The following PPP4R2 variants were observed in gnomAD, a reference collection of about 807,000 sequenced individuals.
PPP4R2 encodes the protein serine/threonine-protein phosphatase 4 regulatory subunit 2.
A neutral mutation model predicts 47.2 loss-of-function variants in PPP4R2; 13 were observed. The observed-to-expected ratio is 0.28, with a 90% CI of 0.18 to 0.44. PPP4R2 has a LOEUF of 0.44. Ranked by LOEUF, PPP4R2 falls within the 20% of genes least tolerant of loss-of-function variation. The pLI, the probability that PPP4R2 is intolerant of heterozygous loss-of-function variation, is 1.00. For missense variants in PPP4R2, 421 were observed against 491.2 expected (o/e 0.86, Z 1.35); for synonymous variants, 151 against 163.3 (o/e 0.92, Z 0.57).
chr3:73,046,002 G>GTAT (rs1702478692), intron 2 of PPP4R2, among the ~76,000 whole-genome samples: 1 of 152,130 alleles, frequency 6.6e-6, no homozygotes, highest in South Asian at 2.1e-4. Flanking sequence ...TGTAAAAGAT[G>GTAT]TATTCAAGGG....
chr3:73,003,980 G>C (rs1287889518), intron 2 of PPP4R2, among the ~76,000 whole-genome samples: 1 of 150,482 alleles, frequency 6.6e-6, no homozygotes, highest in African/African-American at 2.5e-5. Flanking sequence ...GATTACAGGC[G>C]TGAGCCACTG....
intron 3 of PPP4R2, among the ~76,000 whole-genome samples, chr3:73,048,569 T>C (rs1384881983): frequency 1.3e-5 from 2 of 152,240 alleles, no homozygotes; most frequent in Non-Finnish European, 2.9e-5. Context: ...TTTGTATTTT[T>C]ACGGTTTCCT....
intron 2 of PPP4R2, among the ~76,000 whole-genome samples, chr3:73,032,894 T>G (rs1490371735): frequency 6.6e-6 from 1 of 152,206 alleles, no homozygotes. Context: ...TTTAGTTGTT[T>G]ATATATCAAT....
intron 2 of PPP4R2, among the ~76,000 whole-genome samples, chr3:73,018,452 T>TGTTTG: frequency 3.2e-4 from 31 of 96,528 alleles, no homozygotes; most frequent in African/African-American, 5.4e-4. Context: ...TGTTATGTTA[T>TGTTTG]TTATGTTATG....
Position 73,068,627 on chromosome 3 carries a change from C to A in PPP4R2, c.*2905C>A, listed in dbSNP as rs1014868068. The A allele has an allele frequency of 2.6e-5, 4 of 152,180 alleles. No individual in the cohort carries two copies. The highest frequency in any genetic ancestry group is 7.2e-5 in the African/African-American group (3 of 41,440). 9.4% of individuals were successfully genotyped at this position (152,180 alleles called of 1,614,324 possible). A position where few individuals can be genotyped will look rare whatever the true frequency, so the allele number is the denominator to read the frequency against. Reference sequence around the variant, plus strand: ...TGGCTTGGAAAGGCATCCCAGAAATCCTCGGCCAGAAGGTGTGGCTTGTTA... The same window carrying A: ...TGGCTTGGAAAGGCATCCCAGAAATACTCGGCCAGAAGGTGTGGCTTGTTA... On this transcript the variant is annotated 3_prime_UTR_variant, in exon 9 of 9. Transcript: ENST00000356692.
At chr3:73,034,977 A>G (rs1237039075) in intron 2 of PPP4R2, among the ~76,000 whole-genome samples, 1 of 152,224 alleles carries the variant, frequency 6.6e-6, no homozygotes, top group South Asian at 2.1e-4. Flanking sequence ...CTTCCGCACA[A>G]GGGAAGAGTC....
chr3:73,008,950 G>T (rs1027403946), intron 2 of PPP4R2, among the ~76,000 whole-genome samples: 6 of 152,172 alleles, frequency 3.9e-5, no homozygotes, highest in African/African-American at 1.4e-4. Flanking sequence ...GTAAATATAG[G>T]TAATAAAGTA....
chr3:73,028,904 T>C (rs1277623739), intron 2 of PPP4R2, among the ~76,000 whole-genome samples: 1 of 152,190 alleles, frequency 6.6e-6, no homozygotes, highest in Non-Finnish European at 1.5e-5. Context: ...TGTGGAGCAC[T>C]GTAAAGGCTT....
intron 3 of PPP4R2, among the ~76,000 whole-genome samples, chr3:73,048,896 G>C (rs1702550077): frequency 6.6e-6 from 1 of 152,138 alleles, no homozygotes. Context: ...CTTAGGCCTT[G>C]ACTTGGGGTC....
intron 2 of PPP4R2, among the ~76,000 whole-genome samples, chr3:73,040,612 C>A (rs1702358936): frequency 6.7e-6 from 1 of 148,884 alleles, no homozygotes; most frequent in Non-Finnish European, 1.5e-5. Context: ...TCAAGCGATT[C>A]TTCTGTCTCA....
At position 73,064,914 on chromosome 3, in the gene PPP4R2, A is replaced by AT; in HGVS notation, c.702dup (p.Glu235Ter). 1 of 1,613,846 alleles carries AT rather than the reference A, an allele frequency of 6.2e-7. No homozygotes were observed. The highest frequency in any genetic ancestry group is 8.5e-7 in the Non-Finnish European group (1 of 1,179,786). The stretch of plus-strand genomic sequence containing the variant: ...AGCCCTTTGAAAAATAAACATCCAG[A>AT]TGAAGATGCTGTGGAAGCTGAGGGG... On this transcript the variant is annotated frameshift_variant, in exon 8 of 9. Coordinates refer to ENST00000356692, the MANE Select transcript of PPP4R2 (RefSeq NM_174907.4). LOFTEE classifies it high-confidence loss of function.
At chr3:73,012,211 G>A (rs1404181576) in intron 2 of PPP4R2, among the ~76,000 whole-genome samples, 1 of 152,168 alleles carries the variant, frequency 6.6e-6, no homozygotes, top group Non-Finnish European at 1.5e-5. Context: ...CAATATAAAT[G>A]ATACGTAAAT....
At chr3:73,055,417 C>CGTGTGT (rs10663655) in intron 3 of PPP4R2, among the ~76,000 whole-genome samples, 20,005 of 137,192 alleles carry the variant, frequency 0.15, 1,610 homozygotes, top group Admixed American at 0.17. Flanking sequence ...AGTGGGGTAG[C>CGTGTGT]GTGTGTGTGT....
intron 2 of PPP4R2, among the ~76,000 whole-genome samples, chr3:73,002,937 TGGCCCAGGGTTTTTATAA>T (rs1701508338): frequency 6.6e-6 from 1 of 152,034 alleles, no homozygotes; most frequent in Non-Finnish European, 1.5e-5. Flanking sequence ...CCACTGCGCC[TGGCCCAGGGTTTTTATAA>T]CTTTTTGCAT....
At chr3:73,011,595 G>A (rs1333852447) in intron 2 of PPP4R2, among the ~76,000 whole-genome samples, 1 of 152,052 alleles carries the variant, frequency 6.6e-6, no homozygotes, top group Admixed American at 6.6e-5. Context: ...TGTACTGTGG[G>A]GTATTTTGGG....
At chr3:73,041,541 C>T (rs1702379930) in intron 2 of PPP4R2, among the ~76,000 whole-genome samples, 1 of 152,216 alleles carries the variant, frequency 6.6e-6, no homozygotes, top group Non-Finnish European at 1.5e-5. Flanking sequence ...AAGCCTGTCA[C>T]CTTTAATGAA....
intron 3 of PPP4R2, among the ~76,000 whole-genome samples, chr3:73,050,418 A>G (rs1327722819): frequency 6.6e-6 from 1 of 150,602 alleles, no homozygotes; most frequent in African/African-American, 2.5e-5. Context: ...TGGTATGTTG[A>G]AACATGTTTA....
chr3:73,064,517 T>C (rs1286397703), intron 7 of PPP4R2, among the ~76,000 whole-genome samples: 2 of 152,326 alleles, frequency 1.3e-5, no homozygotes, highest in East Asian at 3.9e-4. Flanking sequence ...CTTCAAATTT[T>C]CTGTATCACA....
chr3:73,058,275 A>G (rs180738684), intron 3 of PPP4R2, among the ~76,000 whole-genome samples: 44 of 152,228 alleles, frequency 2.9e-4, no homozygotes, highest in African/African-American at 9.6e-4. Flanking sequence ...ATGGAGCAGA[A>G]CCACATTTAA....
Sources: allele counts gnomAD v4.1 joint callset (sites outside exome capture counted in the v4.1 genomes callset), GRCh38; gene constraint gnomAD v4.1.1; transcripts MANE v1.5; gene names NCBI Gene and HGNC (gene_info 2026-07-23, HGNC 2026-07-21).